The following UGT2A2 variants were observed in gnomAD, a reference collection of about 807,000 sequenced individuals.
UGT2A2 encodes the protein UDP-glucuronosyltransferase 2A2.
In UGT2A2, 60 loss-of-function variants were observed where a neutral mutation model predicts 50.7. That is an observed-to-expected ratio of 1.18 (90% CI 0.96 to 1.47). The LOEUF is 1.47. Among genes scored for constraint, UGT2A2 ranks in the 40% most tolerant of loss-of-function variants. UGT2A2 has a pLI of 0.00. For missense variants in UGT2A2, 762 were observed against 634.0 expected (o/e 1.20, Z -2.17); for synonymous variants, 242 against 214.6 (o/e 1.13, Z -1.11).
chr4:69,639,400 C>T lies in UGT2A2; in HGVS notation c.241G>A (p.Glu81Lys), dbSNP rs1414905000. 3.7e-6 allele frequency: 6 copies of T among 1,613,430 alleles called. No individual in the cohort carries two copies. Among genetic ancestry groups the T allele is most frequent in the Non-Finnish European group, 5.1e-6 (6 of 1,179,638 alleles). ...NSNPDSPVNF[E>K]VIPVSYKKSN... ...TTCTTGTAGGAAACAGGTATCACTT[C>T]AAAATTCACAGGAGAATCGGGATTG... Residue 81 changes from glutamate (E) to lysine (K), a missense_variant, in exon 1 of 6, where the codon GAA becomes AAA. Transcript: ENST00000604629.
chr4:69,611,139 GGTTTTT>G (rs1267675456), intron 1 of UGT2A2, among the ~76,000 whole-genome samples: 1 of 151,464 alleles, frequency 6.6e-6, no homozygotes, highest in Non-Finnish European at 1.5e-5. Context: ...CTGTTTTTTG[GGTTTTT>G]GTTTTTGTTT....
chr4:69,603,806 A>G (rs1429534969), intron 1 of UGT2A2, among the ~76,000 whole-genome samples: 2 of 136,016 alleles, frequency 1.5e-5, no homozygotes, highest in Admixed American at 7.3e-5. Context: ...CAACTGGAAG[A>G]AAGGGTATCA....
chr4:69,594,582 T>C lies in UGT2A2; in HGVS notation c.1226A>G (p.Asn409Ser). Residue 409 changes from asparagine to serine, a missense_variant, in exon 5 of 6, where the codon AAC becomes AGC. Transcript: ENST00000604629. ...TCCTTTGGCCTTCATGTGAGCAATG[T>C]TATCAGGCTGATCAGCAAACATGGG... Reference protein sequence around the residue: ...GVPMFADQPDNIAHMKAKGAA... With the variant: ...GVPMFADQPDSIAHMKAKGAA... 1 of 1,614,146 alleles carries C rather than the reference T, an allele frequency of 6.2e-7. No individual in the cohort carries two copies. The highest frequency in any genetic ancestry group is 8.5e-7 in the Non-Finnish European group (1 of 1,180,036).
Position 69,596,239 on chromosome 4 carries a change from G to A in UGT2A2, c.1023+11C>T. The A allele has an allele frequency of 2.6e-6, 4 of 1,536,370 alleles. No homozygotes were observed. Among genetic ancestry groups the A allele is most frequent in the Non-Finnish European group, 2.6e-6 (3 of 1,140,812 alleles). ...AAAAAGCTGTGTACCAGGATTCCAG[G>A]CTGTACTGACCTTCTGTGGAATCTG... is the stretch of plus-strand genomic sequence containing the variant. On this transcript the variant is annotated intron_variant, in intron 3 of 5. Coordinates refer to ENST00000604629, the MANE Select transcript of UGT2A2 (RefSeq NM_001105677.2).
intron 3 of UGT2A2, 128 bp from the exon 4 acceptor site, chr4:69,595,377 A>G: frequency 1.9e-6 from 2 of 1,060,932 alleles, no homozygotes; most frequent in Non-Finnish European, 1.4e-6. Context: ...GTAGTTTACA[A>G]ACGTTGAGAT....
chr4:69,627,598 A>AAAGAAAG (rs1560486909), intron 1 of UGT2A2, among the ~76,000 whole-genome samples: 2 of 149,112 alleles, frequency 1.3e-5, no homozygotes, highest in African/African-American at 4.9e-5. Flanking sequence ...AAGAAGAAAG[A>AAAGAAAG]AAAGAAAGAA....
At position 69,602,342 on chromosome 4, in the gene UGT2A2, G is replaced by A. The variant is rs1437944622; in HGVS notation, c.743-2948C>T. ...TGTAACCTTTATGTTAAAATAGTAA[G>A]AGCATTCTTATCAAGACGAAAAAAA... On this transcript the variant is annotated intron_variant, in intron 1 of 5. Coordinates refer to ENST00000604629, the MANE Select transcript of UGT2A2 (RefSeq NM_001105677.2). 8.8e-5 allele frequency among the ~76,000 whole-genome samples: 12 copies of A among 136,962 alleles called. 2 individuals carry two copies. Among genetic ancestry groups the A allele is most frequent in the Admixed American group, 8.6e-4 (12 of 13,992 alleles). 89.9% of individuals were successfully genotyped at this position (136,962 alleles called of 152,430 possible). A position where few individuals can be genotyped will look rare whatever the true frequency, so the allele number is the denominator to read the frequency against.
At chr4:69,594,764 A>C in intron 4 of UGT2A2, 68 bp from the exon 5 acceptor site, 1 of 1,524,440 alleles carries the variant, frequency 6.6e-7, no homozygotes, top group Non-Finnish European at 8.9e-7. Flanking sequence ...GAGAGACAGA[A>C]GGGGTCAAAA....
chr4:69,598,750 C>A (rs1213863324), intron 2 of UGT2A2, among the ~76,000 whole-genome samples: 1 of 151,944 alleles, frequency 6.6e-6, no homozygotes, highest in African/African-American at 2.4e-5. Flanking sequence ...GTAGATGGCA[C>A]AACTGTCTAA....
chr4:69,628,913 T>A (rs10022954), intron 1 of UGT2A2, among the ~76,000 whole-genome samples: 2 of 151,638 alleles, frequency 1.3e-5, no homozygotes, highest in African/African-American at 4.8e-5. Flanking sequence ...CTGAGAGAGA[T>A]AATCTTTCAA....
intron 1 of UGT2A2, among the ~76,000 whole-genome samples, chr4:69,622,723 G>A (rs1450972027): frequency 1.3e-5 from 2 of 151,746 alleles, no homozygotes; most frequent in South Asian, 2.1e-4. Flanking sequence ...TCTAGGCAAT[G>A]TGATGCTGCT....
At chr4:69,596,984 A>G (rs778683405) in intron 2 of UGT2A2, among the ~76,000 whole-genome samples, 7 of 152,224 alleles carry the variant, frequency 4.6e-5, no homozygotes, top group Non-Finnish European at 8.8e-5. Context: ...CCCAAGGCTT[A>G]ATTTAACCAA....
intron 1 of UGT2A2, among the ~76,000 whole-genome samples, chr4:69,634,452 C>A (rs1419425344): frequency 6.6e-6 from 1 of 151,950 alleles, no homozygotes; most frequent in Non-Finnish European, 1.5e-5. Context: ...ATAAATACAA[C>A]ACTGGGCCCA....
chr4:69,631,927 T>C (rs1289492266), intron 1 of UGT2A2, among the ~76,000 whole-genome samples: 1 of 152,120 alleles, frequency 6.6e-6, no homozygotes, highest in Non-Finnish European at 1.5e-5. Flanking sequence ...ACAGAAAATA[T>C]CTAGAAACAT....
intron 1 of UGT2A2, among the ~76,000 whole-genome samples, chr4:69,610,613 C>T (rs1029762523): frequency 1.3e-5 from 2 of 152,060 alleles, no homozygotes; most frequent in Non-Finnish European, 1.5e-5. Flanking sequence ...GAAGATAAGG[C>T]CTTTAGAGAT....
Position 69,589,570 on chromosome 4 carries a change from G to T in UGT2A2, c.1413C>A (p.Ile471=). The part of the protein sequence containing the change: ...VKPLDRAVFW[I]EFVMRHKGAK... The stretch of plus-strand genomic sequence containing the variant: ...CTCCTTTGTGGCGCATGACAAACTC[G>T]ATCCAGAAGACTGCTCGATCCAGGG... Residue 471 remains isoleucine (I), a synonymous_variant, in exon 6 of 6, where the codon ATC becomes ATA. Transcript: ENST00000604629. The T allele has an allele frequency of 6.2e-7, 1 of 1,614,010 alleles. No individual in the cohort carries two copies. Among genetic ancestry groups the T allele is most frequent in the Non-Finnish European group, 8.5e-7 (1 of 1,179,922 alleles).
intron 1 of UGT2A2, among the ~76,000 whole-genome samples, chr4:69,615,304 T>A (rs1246217665): frequency 4.6e-5 from 7 of 152,046 alleles, no homozygotes; most frequent in African/African-American, 1.4e-4. Context: ...AAGACAATGT[T>A]CTGGGCAGAT....
chr4:69,596,219 G>C (rs368509711), intron 3 of UGT2A2, 31 bp downstream of exon 3: 1 of 1,471,654 alleles, frequency 6.8e-7, no homozygotes, highest in Non-Finnish European at 9.0e-7. Flanking sequence ...TTAGTAAAAA[G>C]CTGTGTACCA....
intron 1 of UGT2A2, among the ~76,000 whole-genome samples, chr4:69,633,973 C>T (rs943477357): frequency 1.3e-5 from 2 of 152,178 alleles, no homozygotes; most frequent in African/African-American, 4.8e-5. Flanking sequence ...CGGCCGCGCG[C>T]GGTGGCTCAC....
Sources: allele counts gnomAD v4.1 joint callset (sites outside exome capture counted in the v4.1 genomes callset), GRCh38; gene constraint gnomAD v4.1.1; transcripts MANE v1.5; gene names NCBI Gene and HGNC (gene_info 2026-07-23, HGNC 2026-07-21).